NBAS: variants seen among roughly 807,000 people sequenced by gnomAD.
NBAS encodes NAG/BC035112 fusion.
Under a neutral mutation model 302.5 loss-of-function variants are expected in NBAS, and 219 were observed. The ratio of observed to expected loss-of-function variants is 0.72; its 90% CI spans 0.65 to 0.81. The LOEUF (loss-of-function observed/expected upper bound fraction) is 0.81, where lower values mean the gene tolerates loss of function less well. Ranked by LOEUF, NBAS falls within the 30% of genes least tolerant of loss-of-function variation. The pLI, the probability that NBAS is intolerant of heterozygous loss-of-function variation, is 0.00. For synonymous variants in NBAS, 1,118 were observed against 1,021.6 expected (o/e 1.09, Z -1.80); for missense variants, 2,932 against 2,841.6 (o/e 1.03, Z -0.72).
In NBAS at chr2:15,511,336, C is replaced by T. The variant is rs996936995; in HGVS notation, c.761G>A (p.Gly254Asp). The change falls in exon 10 of 52, where the codon GGT becomes GAT. Residue 254 changes from glycine to aspartate, a missense_variant. Physicochemically the swap from Gly to Asp is moderately conservative, Grantham distance 94. Transcript: ENST00000281513. ...YHPGHRLLLV[G>D]GCETAEVGMS... ...GCCTACTTCAGCAGTTTCACATCCA[C>T]CAACAAGTAAAAGTCTAAAAAGGAG... is the stretch of plus-strand genomic sequence containing the variant. The T allele has an allele frequency of 1.2e-6, 2 of 1,613,714 alleles. No individual in the cohort carries two copies. Among genetic ancestry groups the T allele is most frequent in the African/African-American group, 2.7e-5 (2 of 74,836 alleles).
At chr2:14,872,730 C>A in the NBAS span, among the ~76,000 whole-genome samples, 1 of 152,036 alleles carries the variant, frequency 6.6e-6, no homozygotes, top group African/African-American at 2.4e-5. Flanking sequence ...TGCAGACCCT[C>A]GCAGTGAGTG....
intron 28 of NBAS, among the ~76,000 whole-genome samples, chr2:15,391,869 C>T (rs78837821): frequency 0.12 from 17,192 of 148,778 alleles, 1,308 homozygotes; most frequent in East Asian, 0.26. Flanking sequence ...ATTTCTGTAC[C>T]GTAGCATACT....
chr2:14,847,901 C>A, the NBAS span, among the ~76,000 whole-genome samples: 1 of 152,246 alleles, frequency 6.6e-6, no homozygotes, highest in Admixed American at 6.5e-5. Flanking sequence ...AGCCTTAAAA[C>A]GTTCAAAAAT....
intron 47 of NBAS, among the ~76,000 whole-genome samples, chr2:15,228,014 G>A (rs1275880133): frequency 6.6e-6 from 1 of 152,052 alleles, no homozygotes; most frequent in Non-Finnish European, 1.5e-5. Context: ...AAAAAGCTCT[G>A]TTATGTCAAA....
chr2:15,238,355 C>T (rs1572503736), intron 45 of NBAS, 113 bp downstream of exon 45: 9 of 1,041,418 alleles, frequency 8.6e-6, no homozygotes, highest in South Asian at 3.0e-5. Flanking sequence ...GGACAATTTT[C>T]AAGGATATCT....
At chr2:15,247,548 A>C (rs1406503430) in intron 44 of NBAS, among the ~76,000 whole-genome samples, 1 of 152,132 alleles carries the variant, frequency 6.6e-6, no homozygotes, top group Non-Finnish European at 1.5e-5. Flanking sequence ...AAACGAAAAA[A>C]AGCAGGGGTT....
intron 48 of NBAS, among the ~76,000 whole-genome samples, chr2:15,207,172 GC>G (rs1558437339): frequency 6.6e-6 from 1 of 152,194 alleles, no homozygotes; most frequent in Non-Finnish European, 1.5e-5. Context: ...GCATGACCGA[GC>G]CCTGGATATG....
At chr2:15,513,128 G>C (rs1377118181) in intron 9 of NBAS, among the ~76,000 whole-genome samples, 1 of 152,182 alleles carries the variant, frequency 6.6e-6, no homozygotes, top group Non-Finnish European at 1.5e-5. Context: ...AAACCATAAA[G>C]TAATTCAAAT....
chr2:15,538,415 C>T, intron 7 of NBAS: 1 of 389,856 alleles, frequency 2.6e-6, no homozygotes. Context: ...GTTTTCAACC[C>T]TAGCTTCTCA....
At chr2:15,183,838 A>T (rs1664944994) in intron 50 of NBAS, among the ~76,000 whole-genome samples, 1 of 152,158 alleles carries the variant, frequency 6.6e-6, no homozygotes, top group African/African-American at 2.4e-5. Flanking sequence ...TGTGTGCTTT[A>T]GGTGCTGTGC....
chr2:15,028,070 T>A, the NBAS span, among the ~76,000 whole-genome samples: 23 of 152,220 alleles, frequency 1.5e-4, no homozygotes, highest in Non-Finnish European at 4.4e-5. Flanking sequence ...TATTCATAAA[T>A]GCACAGTTTT....
Position 15,451,050 on chromosome 2 carries a change from C to CATT in NBAS, c.2339+10150_2339+10151insAAT, listed in dbSNP as rs1558351594. On this transcript the variant is annotated intron_variant, in intron 21 of 51. Coordinates refer to ENST00000281513, the MANE Select transcript of NBAS (RefSeq NM_015909.4). ...TTCATTCATTCATTCATTCATTCAT[C>CATT]CATTTATTTATTTATTTATTTGACA... Among the ~76,000 whole-genome samples, 262 of 148,116 alleles carry CATT rather than the reference C, an allele frequency of 1.8e-3. 1 individual carries two copies. Among genetic ancestry groups the CATT allele is most frequent in the African/African-American group, 6.5e-3 (250 of 38,266 alleles).
At chr2:15,528,883 A>ATATATATATATGTGTG (rs1428591317) in intron 9 of NBAS, among the ~76,000 whole-genome samples, 2,531 of 31,620 alleles carry the variant, frequency 0.08, 36 homozygotes, top group African/African-American at 0.14. Context: ...AAAAAAATAT[A>ATATATATATATGTGTG]TATATATATA....
Position 15,473,915 on chromosome 2 carries a change from T to G in NBAS, c.1599+152A>C, listed in dbSNP as rs184943515. Reference sequence around the variant, plus strand: ...TATTTAGGTACAAAGATTAGCATTATTTTAAAAAGCTTTATAGAACTGATA... The same window carrying G: ...TATTTAGGTACAAAGATTAGCATTAGTTTAAAAAGCTTTATAGAACTGATA... On this transcript the variant is annotated intron_variant, in intron 15 of 51. Coordinates refer to ENST00000281513, the MANE Select transcript of NBAS (RefSeq NM_015909.4). The G allele has an allele frequency of 4.1e-4, 398 of 970,704 alleles. 3 individuals carry two copies. The Middle Eastern group carries it at 0.01, about 25-fold the overall frequency. 60.1% of individuals were successfully genotyped at this position (970,704 alleles called of 1,614,324 possible).
At chr2:15,528,900 T>TGTGTATATATATATATGA (rs1359614997) in intron 9 of NBAS, among the ~76,000 whole-genome samples, 5 of 122,872 alleles carry the variant, frequency 4.1e-5, no homozygotes, top group African/African-American at 1.9e-4. Context: ...TATATATATG[T>TGTGTATATATATATATGA]GTGTATATAT....
chr2:15,541,207 A>G (rs1255959770), intron 6 of NBAS, among the ~76,000 whole-genome samples: 1 of 152,132 alleles, frequency 6.6e-6, no homozygotes, highest in African/African-American at 2.4e-5. Flanking sequence ...ATTGTTGTTT[A>G]CCTATTTGCC....
intron 47 of NBAS, among the ~76,000 whole-genome samples, chr2:15,225,411 G>T (rs1238606177): frequency 2.6e-5 from 4 of 152,152 alleles, no homozygotes; most frequent in Non-Finnish European, 5.9e-5. Flanking sequence ...ATGCACTGCA[G>T]GTGCTCAGAG....
chr2:15,209,749 T>C (rs1376295536), intron 48 of NBAS, among the ~76,000 whole-genome samples: 2 of 151,986 alleles, frequency 1.3e-5, no homozygotes, highest in African/African-American at 2.4e-5. Flanking sequence ...GTAAGCAAAA[T>C]AGCAGGGTAG....
the NBAS span, among the ~76,000 whole-genome samples, chr2:14,995,268 T>C: frequency 2.6e-5 from 4 of 152,026 alleles, no homozygotes; most frequent in Admixed American, 6.5e-5. Context: ...TGTCCATGTG[T>C]TCTCATTGTT....
Sources: allele counts gnomAD v4.1 joint callset (sites outside exome capture counted in the v4.1 genomes callset), GRCh38; gene constraint gnomAD v4.1.1; transcripts MANE v1.5; gene names NCBI Gene and HGNC (gene_info 2026-07-23, HGNC 2026-07-21).